Variants in SGSM1 observed in about 807,000 individuals in gnomAD.
SGSM1 encodes the protein small G protein signaling modulator 1.
A neutral mutation model predicts 133.8 loss-of-function variants in SGSM1; 73 were observed. That is an observed-to-expected ratio of 0.55 (90% confidence interval 0.45 to 0.66). The LOEUF is 0.66. Among genes scored for constraint, SGSM1 ranks in the 30% least tolerant of loss-of-function variants. The pLI is 0.00. For synonymous variants in SGSM1, 563 were observed against 573.0 expected (o/e 0.98, Z 0.25); for missense variants, 1,213 against 1,448.1 (o/e 0.84, Z 2.64).
intron 2 of SGSM1, among the ~76,000 whole-genome samples, chr22:24,827,954 G>A (rs554662962): frequency 1.3e-5 from 2 of 152,064 alleles, no homozygotes; most frequent in Admixed American, 1.3e-4. Flanking sequence ...AGATGTTGGC[G>A]GACCCCTTAG....
intron 24 of SGSM1, among the ~76,000 whole-genome samples, chr22:24,922,179 C>CTTTTTTTT (rs140795501): frequency 9.2e-4 from 98 of 106,856 alleles, no homozygotes; most frequent in Non-Finnish European, 1.3e-3. Flanking sequence ...CACTTACTTT[C>CTTTTTTTT]TTTTTTTTTT....
In SGSM1 at chr22:24,893,411, C is replaced by T. The variant is rs756232402; in HGVS notation, c.1771-20C>T. On this transcript the variant is annotated intron_variant, in intron 16 of 24. Transcript: ENST00000400358. ...GCCCCTTTGTTGACACCTCGGGTGACATTGCATCTGCCCTGGCAGGTGGAC... is the reference window on the plus strand; with the variant it reads ...GCCCCTTTGTTGACACCTCGGGTGATATTGCATCTGCCCTGGCAGGTGGAC... 1 of 1,612,150 alleles carries T rather than the reference C, an allele frequency of 6.2e-7. No homozygotes were observed. The highest frequency in any genetic ancestry group is 2.2e-5 in the East Asian group (1 of 44,848).
rs1256170241 is a variant in SGSM1, at chr22:24,893,601, C to T, written c.1941C>T (p.Thr647=). 1.3e-6 allele frequency: 2 copies of T among 1,574,882 alleles called. No homozygotes were observed. The highest frequency in any genetic ancestry group is 1.7e-6 in the Non-Finnish European group (2 of 1,161,686). ...HLHRMLHRDS[T]ISNESSQSCS... ...ACCGGATGTTGCACAGGGACTCAAC[C>T]ATCAGCAATGAGGTGATGGGCGGCT... Residue 647 remains threonine (T), a synonymous_variant, in exon 17 of 25, where the codon ACC becomes ACT. Coordinates refer to ENST00000400358, the MANE Select transcript of SGSM1 (RefSeq NM_001098497.3).
intron 2 of SGSM1, 132 bp from the exon 3 acceptor site, chr22:24,844,765 A>G (rs964573317): frequency 1.5e-6 from 1 of 648,068 alleles, no homozygotes; most frequent in Admixed American, 3.0e-5. Context: ...GGGGGAAGGA[A>G]AGCAGGTGTC....
intron 2 of SGSM1, 34 bp downstream of exon 2, chr22:24,806,518 C>G: frequency 6.7e-7 from 1 of 1,485,504 alleles, no homozygotes; most frequent in African/African-American, 1.5e-5. Flanking sequence ...GGGCAGGACT[C>G]CCCCGGCAGC....
At chr22:24,856,768 C>CTTT (rs113036395) in intron 8 of SGSM1, among the ~76,000 whole-genome samples, 1 of 139,348 alleles carries the variant, frequency 7.2e-6, no homozygotes, top group Non-Finnish European at 1.6e-5. Context: ...AGTTTCTTTT[C>CTTT]TTTTTTTTTT....
At chr22:24,844,641 G>A (rs931019619) in intron 2 of SGSM1, 2 of 487,286 alleles carry the variant, frequency 4.1e-6, no homozygotes, top group Admixed American at 6.9e-5. Flanking sequence ...GACGTTTTGT[G>A]AGATGCCTAA....
At chr22:24,911,304 TTTTTGAGATGGAG>T (rs1933610544) in intron 21 of SGSM1, among the ~76,000 whole-genome samples, 1 of 151,162 alleles carries the variant, frequency 6.6e-6, no homozygotes, top group Admixed American at 6.6e-5. Flanking sequence ...TTTTTTTTTT[TTTTTGAGATGGAG>T]TTTCACTCTT....
At chr22:24,851,342 C>A (rs79840307) in intron 5 of SGSM1, among the ~76,000 whole-genome samples, 4,586 of 150,100 alleles carry the variant, frequency 0.031, 111 homozygotes, top group Non-Finnish European at 0.046. Context: ...TGTATATCAT[C>A]GCAAGAGCAG....
intron 5 of SGSM1, among the ~76,000 whole-genome samples, chr22:24,853,177 G>A (rs953765890): frequency 1.3e-5 from 2 of 152,196 alleles, no homozygotes; most frequent in African/African-American, 4.8e-5. Flanking sequence ...GGCAGGGAGA[G>A]GCAGAGCTGG....
At chr22:24,829,229 G>A (rs771742374) in intron 2 of SGSM1, among the ~76,000 whole-genome samples, 3 of 151,894 alleles carry the variant, frequency 2.0e-5, no homozygotes, top group Middle Eastern at 3.4e-3. Context: ...CATATCCTTC[G>A]CAGGAGCAGG....
At chr22:24,845,987 T>TTCTC in intron 3 of SGSM1, among the ~76,000 whole-genome samples, 1 of 148,816 alleles carries the variant, frequency 6.7e-6, no homozygotes, top group East Asian at 2.0e-4. Context: ...CTTTCTTTCT[T>TTCTC]TCTTTCTTTC....
intron 19 of SGSM1, chr22:24,901,191 T>C (rs1933148700): frequency 6.6e-6 from 1 of 152,222 alleles, no homozygotes; most frequent in African/African-American, 2.4e-5. Context: ...GAACTGTGGA[T>C]GAAAAATATT....
chr22:24,814,586 A>G (rs1330511265), intron 2 of SGSM1, among the ~76,000 whole-genome samples: 1 of 152,046 alleles, frequency 6.6e-6, no homozygotes, highest in Non-Finnish European at 1.5e-5. Context: ...AATTACCACT[A>G]TGCTATCACT....
At position 24,924,959 on chromosome 22, in the gene SGSM1, C is replaced by T. The variant is rs907724195; in HGVS notation, c.*685C>T. 2.0e-5 allele frequency: 3 copies of T among 152,256 alleles called. No individual in the cohort carries two copies. The highest frequency in any genetic ancestry group is 4.4e-5 in the Non-Finnish European group (3 of 68,110). 9.4% of individuals were successfully genotyped at this position (152,256 alleles called of 1,614,324 possible). A position where few individuals can be genotyped will look rare whatever the true frequency, so the allele number is the denominator to read the frequency against. ...TGTTCCCTGCAGGGCAAAATTGCCC[C>T]CATTTGAGAACCACTGGCTTGGAGA... is the stretch of plus-strand genomic sequence containing the variant. On this transcript the variant is annotated 3_prime_UTR_variant, in exon 25 of 25. Coordinates refer to ENST00000400358, the MANE Select transcript of SGSM1 (RefSeq NM_001098497.3).
chr22:24,853,435 TCAAA>T (rs1371097700), intron 5 of SGSM1, among the ~76,000 whole-genome samples: 13 of 152,178 alleles, frequency 8.5e-5, no homozygotes, highest in Non-Finnish European at 1.3e-4. Flanking sequence ...ACACAATAAC[TCAAA>T]CAAACAAATC....
chr22:24,813,110 A>G (rs1018916760), intron 2 of SGSM1, among the ~76,000 whole-genome samples: 9 of 152,234 alleles, frequency 5.9e-5, no homozygotes, highest in African/African-American at 2.2e-4. Context: ...AGCAGTGTCA[A>G]CATCTACAGG....
At chr22:24,857,434 A>G (rs1281610234) in intron 8 of SGSM1, among the ~76,000 whole-genome samples, 1 of 149,504 alleles carries the variant, frequency 6.7e-6, no homozygotes, top group African/African-American at 2.4e-5. Flanking sequence ...AGCTATTTAG[A>G]TTATATACAG....
At chr22:24,918,357 A>G (rs533310257) in intron 23 of SGSM1, among the ~76,000 whole-genome samples, 2 of 152,064 alleles carry the variant, frequency 1.3e-5, no homozygotes, top group Non-Finnish European at 2.9e-5. Context: ...TTGGCCGGGC[A>G]TGGTGGCACA....
Sources: gnomAD v4.1 joint callset for allele counts (sites outside exome capture counted in the v4.1 genomes callset) on GRCh38, gnomAD v4.1.1 for gene constraint, MANE v1.5 for transcripts, NCBI Gene and HGNC (gene_info 2026-07-23, HGNC 2026-07-21) for gene names.